The following KCNIP1 variants were observed in gnomAD, a reference collection of about 807,000 sequenced individuals.
KCNIP1 encodes the protein A-type potassium channel modulatory protein KCNIP1.
In KCNIP1, 18 loss-of-function variants were observed where a neutral mutation model predicts 33.0. The observed-to-expected ratio is 0.55, with a 90% CI of 0.38 to 0.81. The LOEUF is 0.81. Ranked by LOEUF, KCNIP1 falls within the 30% of genes least tolerant of loss-of-function variation. The probability of loss-of-function intolerance (pLI) is 0.00; values close to 1 mark genes in which losing one functional copy is unlikely to be tolerated. For synonymous variants in KCNIP1, 93 were observed against 98.3 expected (o/e 0.95, Z 0.32); for missense variants, 238 against 271.6 (o/e 0.88, Z 0.87).
chr5:170,571,151 C>T (rs1193623966), intron 1 of KCNIP1, among the ~76,000 whole-genome samples: 3 of 152,358 alleles, frequency 2.0e-5, no homozygotes, highest in African/African-American at 4.8e-5. Context: ...CCTCCACCAT[C>T]TGCCCGGTCC....
chr5:170,636,348 T>TGGAGGCA (rs1337749484), intron 1 of KCNIP1, among the ~76,000 whole-genome samples: 1 of 151,352 alleles, frequency 6.6e-6, no homozygotes, highest in African/African-American at 2.4e-5. Context: ...ACAGGGACAG[T>TGGAGGCA]GGAGGCAGGA....
At chr5:170,359,248 G>A (rs1763436934) in intron 1 of KCNIP1, among the ~76,000 whole-genome samples, 1 of 152,216 alleles carries the variant, frequency 6.6e-6, no homozygotes, top group Admixed American at 6.5e-5. Context: ...CAGGCCAAGT[G>A]TGAGAAGTGT....
intron 1 of KCNIP1, among the ~76,000 whole-genome samples, chr5:170,562,679 G>A (rs529855726): frequency 4.6e-5 from 7 of 152,262 alleles, no homozygotes; most frequent in South Asian, 2.1e-4. Flanking sequence ...CTGTGCCCAC[G>A]ACATGCTCCA....
rs1425880223 is a variant in KCNIP1 at position 170,374,504 on chromosome 5, T to A, written c.88+20540T>A. The stretch of plus-strand genomic sequence containing the variant: ...GCACTGTTAGGATGTCCCCCAGGGT[T>A]CTTTCCACCCCAGTTCTGGAGCTCA... On this transcript the variant is annotated intron_variant, in intron 1 of 7. Transcript: ENST00000377360. Among the ~76,000 whole-genome samples, 24 of 152,298 alleles carry A rather than the reference T, an allele frequency of 1.6e-4. No homozygotes were observed. In the South Asian group the frequency reaches 5.0e-3, roughly 32 times the overall value.
chr5:170,712,255 T>C (rs919640641), intron 1 of KCNIP1, among the ~76,000 whole-genome samples: 6 of 152,220 alleles, frequency 3.9e-5, no homozygotes, highest in Admixed American at 6.5e-5. Flanking sequence ...ACTACCCTTT[T>C]CTTTTTCTGC....
At chr5:170,646,078 T>C (rs1341444617) in intron 1 of KCNIP1, among the ~76,000 whole-genome samples, 1 of 152,226 alleles carries the variant, frequency 6.6e-6, no homozygotes, top group Non-Finnish European at 1.5e-5. Context: ...TAGCCCTATG[T>C]CTATTACAGA....
intron 1 of KCNIP1, among the ~76,000 whole-genome samples, chr5:170,421,500 C>A (rs1016563404): frequency 6.6e-6 from 1 of 152,078 alleles, no homozygotes; most frequent in African/African-American, 2.4e-5. Context: ...GCTGGGAAAT[C>A]CATGATTAAG....
intron 1 of KCNIP1, among the ~76,000 whole-genome samples, chr5:170,469,444 T>G (rs1004940517): frequency 6.6e-6 from 1 of 152,220 alleles, no homozygotes; most frequent in Non-Finnish European, 1.5e-5. Flanking sequence ...ATGTTCATGT[T>G]TCCCATAAGA....
chr5:170,581,474 G>A (rs541084007), intron 1 of KCNIP1, among the ~76,000 whole-genome samples: 2 of 152,182 alleles, frequency 1.3e-5, no homozygotes, highest in African/African-American at 4.8e-5. Context: ...CTGAAGTGCT[G>A]TTGTCCAGAA....
At chr5:170,404,473 C>A (rs1342641187) in intron 1 of KCNIP1, among the ~76,000 whole-genome samples, 3 of 152,156 alleles carry the variant, frequency 2.0e-5, no homozygotes, top group African/African-American at 7.2e-5. Flanking sequence ...AGGCTGATCT[C>A]AGCTAGGATC....
At chr5:170,393,631 A>G (rs1420085360) in intron 1 of KCNIP1, among the ~76,000 whole-genome samples, 2 of 152,228 alleles carry the variant, frequency 1.3e-5, no homozygotes, top group Admixed American at 6.5e-5. Context: ...TAACGGTGGG[A>G]GGTTTTTTAG....
chr5:170,601,512 T>C (rs1758687289), intron 1 of KCNIP1, among the ~76,000 whole-genome samples: 1 of 152,180 alleles, frequency 6.6e-6, no homozygotes, highest in South Asian at 2.1e-4. Context: ...TCAGGGCTTC[T>C]CTTAGTTTTT....
intron 1 of KCNIP1, among the ~76,000 whole-genome samples, chr5:170,687,514 A>G (rs1307911563): frequency 6.6e-6 from 1 of 152,204 alleles, no homozygotes; most frequent in Non-Finnish European, 1.5e-5. Flanking sequence ...TTAAAATTAT[A>G]CTACTAACAT....
At chr5:170,666,863 T>C (rs370134920) in intron 1 of KCNIP1, among the ~76,000 whole-genome samples, 4 of 152,194 alleles carry the variant, frequency 2.6e-5, no homozygotes, top group African/African-American at 9.7e-5. Flanking sequence ...GGAGCCAGGG[T>C]GTGTCCTCCA....
At chr5:170,734,297 TA>T in intron 7 of KCNIP1, among the ~76,000 whole-genome samples, 1 of 152,258 alleles carries the variant, frequency 6.6e-6, no homozygotes, top group East Asian at 1.9e-4. Flanking sequence ...ACAGTGTGCA[TA>T]AAAATTGCCT....
At chr5:170,552,745 A>G (rs936492792) in intron 1 of KCNIP1, among the ~76,000 whole-genome samples, 1 of 152,248 alleles carries the variant, frequency 6.6e-6, no homozygotes, top group Non-Finnish European at 1.5e-5. Context: ...ACTGGAGGCC[A>G]CTAGAAGGGC....
intron 1 of KCNIP1, among the ~76,000 whole-genome samples, chr5:170,599,902 C>T (rs1758626486): frequency 6.6e-6 from 1 of 152,270 alleles, no homozygotes; most frequent in Admixed American, 6.5e-5. Context: ...AAGTGATTCA[C>T]TCCCTTTCCA....
chr5:170,448,699 A>G (rs963739653), intron 1 of KCNIP1, among the ~76,000 whole-genome samples: 3 of 152,306 alleles, frequency 2.0e-5, no homozygotes, highest in East Asian at 3.9e-4. Flanking sequence ...TCTGGACCCA[A>G]CAAGGCCTGT....
At chr5:170,734,639 A>G (rs368383179) in intron 7 of KCNIP1, among the ~76,000 whole-genome samples, 2 of 152,098 alleles carry the variant, frequency 1.3e-5, no homozygotes, top group East Asian at 3.9e-4. Flanking sequence ...ATCCATTTGT[A>G]CCCCCACATT....
Sources: gnomAD v4.1 joint callset for allele counts (sites outside exome capture counted in the v4.1 genomes callset) on GRCh38, gnomAD v4.1.1 for gene constraint, MANE v1.5 for transcripts, NCBI Gene and HGNC (gene_info 2026-07-23, HGNC 2026-07-21) for gene names.